Variants in RAB38 observed in about 807,000 individuals in gnomAD.
RAB38 encodes RAB38, member RAS oncogene family.
In RAB38, 15 loss-of-function variants were observed where a neutral mutation model predicts 18.4. That is an observed-to-expected ratio of 0.82 (90% CI 0.55 to 1.26). The LOEUF is 1.26. Among genes scored for constraint, RAB38 ranks in the 50% most tolerant of loss-of-function variants. RAB38 has a pLI of 0.00. For missense variants in RAB38, 294 were observed against 267.4 expected, an observed-to-expected ratio of 1.10 and a Z score of -0.69; for synonymous variants, 101 against 104.4, an observed-to-expected ratio of 0.97 and a Z score of 0.20.
chr11:87,957,098 G>A, the RAB38 span, among the ~76,000 whole-genome samples: 1 of 151,992 alleles, frequency 6.6e-6, no homozygotes, highest in Non-Finnish European at 1.5e-5. Context: ...AGCACTGTAA[G>A]TAATAACTTA....
intron 2 of RAB38, among the ~76,000 whole-genome samples, chr11:88,148,921 AT>A (rs374225508): frequency 6.8e-4 from 102 of 150,610 alleles, no homozygotes; most frequent in Admixed American, 2.4e-3. Context: ...CCATGAAAGT[AT>A]TTTTTTTTTC....
the RAB38 span, among the ~76,000 whole-genome samples, chr11:87,930,625 C>T: frequency 1.3e-5 from 2 of 152,120 alleles, no homozygotes; most frequent in Non-Finnish European, 1.5e-5. Flanking sequence ...GTGATTTAGA[C>T]ATGAAGCATT....
chr11:87,886,907 T>A, the RAB38 span, among the ~76,000 whole-genome samples: 2 of 150,594 alleles, frequency 1.3e-5, 1 homozygote, highest in Non-Finnish European at 3.0e-5. Flanking sequence ...ATATATTGCA[T>A]CAATGAAAGG....
the RAB38 span, among the ~76,000 whole-genome samples, chr11:88,081,378 A>G: frequency 8.5e-5 from 13 of 152,102 alleles, no homozygotes; most frequent in East Asian, 2.5e-3. Context: ...TACAGCTGAC[A>G]TAACACATAC....
chr11:88,074,439 A>G, the RAB38 span, among the ~76,000 whole-genome samples: 2 of 152,150 alleles, frequency 1.3e-5, no homozygotes, highest in Admixed American at 1.3e-4. Flanking sequence ...TTCTTTGTTG[A>G]TATTCTTTTC....
chr11:88,068,063 T>C, the RAB38 span, among the ~76,000 whole-genome samples: 1 of 150,744 alleles, frequency 6.6e-6, no homozygotes, highest in Non-Finnish European at 1.5e-5. Context: ...TAATTCAGTT[T>C]ACAAAAACTC....
the RAB38 span, among the ~76,000 whole-genome samples, chr11:87,866,290 C>T: frequency 5.9e-5 from 9 of 151,718 alleles, no homozygotes; most frequent in South Asian, 8.3e-4. Flanking sequence ...ATTTCTGGGC[C>T]TCTATATGTA....
chr11:88,091,491 C>T, the RAB38 span, among the ~76,000 whole-genome samples: 2 of 152,006 alleles, frequency 1.3e-5, no homozygotes, highest in African/African-American at 4.8e-5. Context: ...CAATTGCCAC[C>T]TCTTGCCATC....
At chr11:87,816,720 A>G in the RAB38 span, among the ~76,000 whole-genome samples, 2 of 152,090 alleles carry the variant, frequency 1.3e-5, no homozygotes, top group Admixed American at 6.5e-5. Context: ...AGAGAGAGAG[A>G]GGGAGATCCT....
the RAB38 span, among the ~76,000 whole-genome samples, chr11:87,913,891 G>A: frequency 1.3e-5 from 2 of 151,990 alleles, no homozygotes; most frequent in African/African-American, 2.4e-5. Context: ...GAGTTCCGCC[G>A]GCAAGAGGAC....
chr11:88,015,343 G>A, the RAB38 span, among the ~76,000 whole-genome samples: 2 of 152,146 alleles, frequency 1.3e-5, no homozygotes, highest in African/African-American at 4.8e-5. Context: ...ATTAGGTAAT[G>A]TAGTGTGGAG....
chr11:88,055,949 T>C, the RAB38 span, among the ~76,000 whole-genome samples: 1 of 152,202 alleles, frequency 6.6e-6, no homozygotes, highest in Non-Finnish European at 1.5e-5. Flanking sequence ...AGCTTTGTTT[T>C]GCTTTGCTTT....
the RAB38 span, among the ~76,000 whole-genome samples, chr11:87,893,390 A>ACGTATATATATATATATATATATTTTT: frequency 2.1e-5 from 2 of 93,890 alleles, no homozygotes; most frequent in South Asian, 8.1e-4. Flanking sequence ...ATATATATAT[A>ACGTATATATATATATATATATATTTTT]TTTTTTTTTT....
the RAB38 span, among the ~76,000 whole-genome samples, chr11:88,096,546 G>A: frequency 6.6e-6 from 1 of 151,848 alleles, no homozygotes; most frequent in Non-Finnish European, 1.5e-5. Flanking sequence ...AAACTTACAT[G>A]AGAGCAGGGC....
chr11:87,949,866 G>T, the RAB38 span, among the ~76,000 whole-genome samples: 1 of 152,184 alleles, frequency 6.6e-6, no homozygotes, highest in African/African-American at 2.4e-5. Flanking sequence ...TGTATATTCT[G>T]TTGATTTGGG....
chr11:87,937,870 G>GTTTTTTTTTTTTTTTTTTTTTTTTTTTT, the RAB38 span, among the ~76,000 whole-genome samples: 1 of 92,024 alleles, frequency 1.1e-5, no homozygotes, highest in African/African-American at 3.5e-5. Context: ...TCATTGAAGT[G>GTTTTTTTTTTTTTTTTTTTTTTTTTTTT]TTTTTTTTTT....
the RAB38 span, among the ~76,000 whole-genome samples, chr11:87,843,082 A>C: frequency 6.6e-6 from 1 of 152,146 alleles, no homozygotes; most frequent in African/African-American, 2.4e-5. Flanking sequence ...TCCCAGACTC[A>C]TTCTTTAGAC....
At chr11:88,140,843 C>T (rs975118547) in intron 2 of RAB38, among the ~76,000 whole-genome samples, 14 of 152,098 alleles carry the variant, frequency 9.2e-5, no homozygotes, top group Admixed American at 5.9e-4. Flanking sequence ...TATATGGTGT[C>T]CAGCTTGAGT....
At chr11:88,152,601 G>C (rs922032186) in intron 1 of RAB38, among the ~76,000 whole-genome samples, 2 of 152,170 alleles carry the variant, frequency 1.3e-5, no homozygotes, top group African/African-American at 4.8e-5. Flanking sequence ...ACTTAGATCA[G>C]AGCATTTCTA....
Sources: gnomAD v4.1 joint callset for allele counts (sites outside exome capture counted in the v4.1 genomes callset) on GRCh38, gnomAD v4.1.1 for gene constraint, MANE v1.5 for transcripts, NCBI Gene and HGNC (gene_info 2026-07-23, HGNC 2026-07-21) for gene names.